RDX: variants seen among roughly 807,000 people sequenced by gnomAD.
The protein encoded by RDX is deafness, autosomal recessive 24.
Under a neutral mutation model 83.7 loss-of-function variants are expected in RDX, and 32 were observed. The observed-to-expected ratio is 0.38, with a 90% confidence interval of 0.29 to 0.51. The LOEUF (loss-of-function observed/expected upper bound fraction) is 0.51. RDX is among the 20% of genes least tolerant of loss of function. RDX has a pLI of 0.87. For missense variants in RDX, 600 were observed against 689.9 expected (o/e 0.87, Z 1.46); for synonymous variants, 229 against 222.7 (o/e 1.03, Z -0.25).
At chr11:110,264,311 T>A in intron 4 of RDX, 77 bp from the exon 5 acceptor site, 2 of 1,029,912 alleles carry the variant, frequency 1.9e-6, no homozygotes, top group Non-Finnish European at 2.8e-6. Flanking sequence ...TCAAATTCTT[T>A]TTGGAAGAAA....
At chr11:110,295,865 G>A (rs1392770946) in intron 1 of RDX, among the ~76,000 whole-genome samples, 3 of 152,220 alleles carry the variant, frequency 2.0e-5, no homozygotes, top group Non-Finnish European at 4.4e-5. Context: ...GCCCTGGCCT[G>A]GCGGGTGCGA....
At chr11:110,244,333 A>G (rs1262203222) in intron 10 of RDX, among the ~76,000 whole-genome samples, 2 of 131,762 alleles carry the variant, frequency 1.5e-5, no homozygotes, top group East Asian at 5.0e-4. Context: ...TTTGCACTCC[A>G]ACCTGGGGCA....
At chr11:110,227,842 G>C (rs890653042), downstream of RDX, among the ~76,000 whole-genome samples, 8 of 152,074 alleles carry the variant, frequency 5.3e-5, no homozygotes, top group Non-Finnish European at 1.0e-4. Context: ...TGTGTCATGG[G>C]GTATCACCTT....
rs113879456 is a variant in RDX at position 110,266,891 on chromosome 11, GGTTTGTTTGTTT to G, written c.97-2029_97-2018del. Among the ~76,000 whole-genome samples the G allele has an allele frequency of 4.0e-5, 6 of 150,284 alleles. No homozygotes were observed. The South Asian group carries it at 1.3e-3, about 31-fold the overall frequency. On this transcript the variant is annotated intron_variant, in intron 3 of 13. Transcript: ENST00000645495. ...ATGCAAGCCACTGCGCTTGGCCCTT[GGTTTGTTTGTTT>G]GTTTGTTTGTTTTGAGACGGGGTCT...
chr11:110,190,899 C>A (rs1338250098), intron 15 of RDX, among the ~76,000 whole-genome samples: 1 of 152,068 alleles, frequency 6.6e-6, no homozygotes, highest in Admixed American at 6.5e-5. Context: ...AGGAAGAAAT[C>A]GAAACTCTGA....
At chr11:110,265,069 ATTTTTCT>A (rs1859971947) in intron 3 of RDX, among the ~76,000 whole-genome samples, 195 bp from the exon 4 acceptor site, 1 of 125,288 alleles carries the variant, frequency 8.0e-6, no homozygotes, top group Non-Finnish European at 1.7e-5. Flanking sequence ...TCTATACTCA[ATTTTTCT>A]TTTTTTTTTT....
At chr11:110,262,931 T>C (rs1275616740) in intron 5 of RDX, among the ~76,000 whole-genome samples, 1 of 152,164 alleles carries the variant, frequency 6.6e-6, no homozygotes, top group African/African-American at 2.4e-5. Context: ...ATAAGAACAA[T>C]GCACCAGCCT....
intron 1 of RDX, among the ~76,000 whole-genome samples, chr11:110,289,238 CAAAAAAAAAAA>C (rs753424624): frequency 3.7e-5 from 2 of 54,360 alleles, no homozygotes. Flanking sequence ...AACTCTATCT[CAAAAAAAAAAA>C]AAAAAAAAAA....
rs1210522072 is a variant in RDX at position 110,231,959 on chromosome 11, A to G, written c.1662T>C (p.Asn554=). 6.2e-7 allele frequency: 1 copy of G among 1,614,140 alleles called. No homozygotes were observed. The highest frequency in any genetic ancestry group is 1.1e-5 in the South Asian group (1 of 91,078). Residue 554 remains asparagine, a synonymous_variant, in exon 14 of 14, where the codon AAT becomes AAC. Transcript: ENST00000645495. The part of the protein sequence containing the change: ...KTQNDVLHAE[N]VKAGRDKYKT... ...TGTACTTATCACGGCCTGCTTTAAC[A>G]TTCTCAGCATGAAGAACATCATTTT...
intron 10 of RDX, among the ~76,000 whole-genome samples, chr11:110,247,229 A>G (rs567877055): frequency 6.6e-6 from 1 of 152,310 alleles, no homozygotes; most frequent in East Asian, 1.9e-4. Context: ...TGTGTTGTGT[A>G]TTTTCTAGTA....
At chr11:110,200,019 T>C (rs1187083733) in intron 14 of RDX, among the ~76,000 whole-genome samples, 1 of 152,230 alleles carries the variant, frequency 6.6e-6, no homozygotes, top group Non-Finnish European at 1.5e-5. Flanking sequence ...GTAGGTCTTG[T>C]CTTAAAGCCA....
chr11:110,269,368 A>C (rs957172440), intron 3 of RDX, among the ~76,000 whole-genome samples: 1 of 152,144 alleles, frequency 6.6e-6, no homozygotes, highest in Non-Finnish European at 1.5e-5. Context: ...ATCCCACAAG[A>C]AGCAGCTAAA....
At chr11:110,263,278 C>A (rs1027866526) in intron 5 of RDX, 6 of 150,722 alleles carry the variant, frequency 4.0e-5, no homozygotes, top group African/African-American at 1.5e-4. Flanking sequence ...GGCTCTATCT[C>A]GGGGGGGGAA....
In RDX at chr11:110,179,875, GTTCTTT is replaced by G. The variant is rs201577302; in HGVS notation, c.*32-4647_*32-4642del. On this transcript the variant is annotated intron_variant, in intron 15 of 15. Coordinates refer to the RDX transcript ENST00000528498. ...GCCTCCCTGCAGTGCTCTGGACTTT[GTTCTTT>G]TTCTTTTTCTTTTTCTTTTTTCTTT... 5.9e-3 allele frequency: 2,500 copies of G among 426,998 alleles called. 45 individuals are homozygous for G. Among genetic ancestry groups the G allele is most frequent in the African/African-American group, 0.04 (1,873 of 46,464 alleles). The allele number at this position is 426,998 out of a possible 1,614,324, so 26.5% of individuals were successfully genotyped here.
chr11:110,266,860 T>C (rs999982437), intron 3 of RDX, among the ~76,000 whole-genome samples: 1 of 151,790 alleles, frequency 6.6e-6, no homozygotes, highest in Non-Finnish European at 1.5e-5. Flanking sequence ...AATGCTGGGA[T>C]TATAGATGCA....
intron 6 of RDX, 32 bp from the exon 7 acceptor site, chr11:110,257,945 A>C (rs755428238): frequency 8.3e-5 from 132 of 1,599,360 alleles, no homozygotes; most frequent in Non-Finnish European, 9.8e-5. Flanking sequence ...TAATATATTT[A>C]AGTAGGAGCA....
At chr11:110,202,290 G>C (rs1211510020) in intron 14 of RDX, among the ~76,000 whole-genome samples, 1 of 151,898 alleles carries the variant, frequency 6.6e-6, no homozygotes, top group South Asian at 2.1e-4. Context: ...AGCTACTCTG[G>C]AGGCTGAGAC....
intron 5 of RDX, among the ~76,000 whole-genome samples, chr11:110,259,038 C>T (rs1859682445): frequency 1.3e-5 from 2 of 152,024 alleles, no homozygotes; most frequent in African/African-American, 4.8e-5. Context: ...TGCTCTCGGC[C>T]TCCCGCGTAG....
chr11:110,270,446 G>GTC (rs1860258033), intron 3 of RDX, among the ~76,000 whole-genome samples: 1 of 152,074 alleles, frequency 6.6e-6, no homozygotes, highest in Non-Finnish European at 1.5e-5. Flanking sequence ...TAAGTGGCCC[G>GTC]TCACTGATCG....
Sources: allele counts gnomAD v4.1 joint callset (sites outside exome capture counted in the v4.1 genomes callset), GRCh38; gene constraint gnomAD v4.1.1; transcripts MANE v1.5; gene names NCBI Gene and HGNC (gene_info 2026-07-23, HGNC 2026-07-21).